ZNF804B: variants seen among roughly 807,000 people sequenced by gnomAD.
ZNF804B encodes zinc finger protein 804B, also known as zinc finger 804B.
A neutral mutation model predicts 101.4 loss-of-function variants in ZNF804B; 80 were observed. The observed-to-expected ratio is 0.79, with a 90% CI of 0.66 to 0.95. The LOEUF (loss-of-function observed/expected upper bound fraction) is 0.95, where lower values mean the gene tolerates loss of function less well. ZNF804B is among the 40% of genes least tolerant of loss of function. The pLI is 0.00. For missense variants in ZNF804B, 1,673 were observed against 1,561.9 expected (o/e 1.07, Z -1.20); for synonymous variants, 622 against 558.8 (o/e 1.11, Z -1.59).
chr7:88,916,804 T>C (rs1792639481), intron 1 of ZNF804B, among the ~76,000 whole-genome samples: 3 of 152,180 alleles, frequency 2.0e-5, no homozygotes, highest in African/African-American at 7.2e-5. Context: ...AATATCTATC[T>C]GAAATTTAAG....
At chr7:89,059,263 A>G (rs958842201) in intron 1 of ZNF804B, among the ~76,000 whole-genome samples, 1 of 152,184 alleles carries the variant, frequency 6.6e-6, no homozygotes, top group Non-Finnish European at 1.5e-5. Flanking sequence ...TCATTGCAAT[A>G]AAGAAATACC....
intron 1 of ZNF804B, among the ~76,000 whole-genome samples, chr7:88,760,898 ATAAAT>A (rs1789885052): frequency 3.2e-5 from 3 of 93,978 alleles, no homozygotes; most frequent in African/African-American, 1.2e-4. Context: ...TATATATATA[ATAAAT>A]ATATATATAA....
Position 88,854,529 on chromosome 7 carries a change from T to TCCTTTCCTTTCCTTC in ZNF804B, c.108+94449_108+94450insTCCTTTCCTTCCCTT, listed in dbSNP as rs1562812904. Among the ~76,000 whole-genome samples the TCCTTTCCTTTCCTTC allele has an allele frequency of 5.8e-3, 334 of 57,870 alleles. 12 individuals are homozygous for TCCTTTCCTTTCCTTC. The highest frequency in any genetic ancestry group is 0.025 in the Middle Eastern group (3 of 118). 38.0% of individuals were successfully genotyped at this position (57,870 alleles called of 152,430 possible). A position where few individuals can be genotyped will look rare whatever the true frequency, so the allele number is the denominator to read the frequency against. On this transcript the variant is annotated intron_variant, in intron 1 of 3. Transcript: ENST00000333190. ...TTCCTTTCCTTTCCTTTCCTTCCTTTCCTTCCTTCCTTCCTTCCTTCCTTC... is the reference window on the plus strand; with the variant it reads ...TTCCTTTCCTTTCCTTTCCTTCCTTTCCTTTCCTTTCCTTCCCTTCCTTCCTTCCTTCCTTCCTTC...
chr7:89,074,819 G>A (rs912840603), intron 1 of ZNF804B, among the ~76,000 whole-genome samples: 1 of 152,192 alleles, frequency 6.6e-6, no homozygotes, highest in Admixed American at 6.5e-5. Context: ...GAATGGCTTT[G>A]ACAAAAATAA....
At chr7:89,165,581 A>G (rs1474562385) in intron 1 of ZNF804B, among the ~76,000 whole-genome samples, 1 of 152,086 alleles carries the variant, frequency 6.6e-6, no homozygotes, top group Non-Finnish European at 1.5e-5. Flanking sequence ...ACTTAAGGGA[A>G]GACATATGTG....
intron 1 of ZNF804B, among the ~76,000 whole-genome samples, chr7:89,065,554 C>G (rs909633136): frequency 6.6e-6 from 1 of 152,060 alleles, no homozygotes; most frequent in African/African-American, 2.4e-5. Context: ...ATTAATTAGT[C>G]TTTTCTTATT....
At chr7:89,246,216 C>T (rs1789443467) in intron 2 of ZNF804B, among the ~76,000 whole-genome samples, 1 of 152,168 alleles carries the variant, frequency 6.6e-6, no homozygotes, top group Non-Finnish European at 1.5e-5. Flanking sequence ...GTGCTCCCCA[C>T]TGTGGGACAA....
At chr7:89,016,165 C>T (rs1390737782) in intron 1 of ZNF804B, among the ~76,000 whole-genome samples, 2 of 151,956 alleles carry the variant, frequency 1.3e-5, no homozygotes, top group Non-Finnish European at 2.9e-5. Flanking sequence ...ATGTCCTTTG[C>T]CTACTTTTTG....
intron 2 of ZNF804B, among the ~76,000 whole-genome samples, chr7:89,241,353 G>A (rs1562926161): frequency 2.0e-5 from 3 of 152,026 alleles, no homozygotes; most frequent in Non-Finnish European, 4.4e-5. Flanking sequence ...CTTTGTTGGT[G>A]CTTTTTTCCT....
chr7:89,297,395 A>T (rs1347489702), intron 2 of ZNF804B, among the ~76,000 whole-genome samples: 1 of 152,118 alleles, frequency 6.6e-6, no homozygotes, highest in East Asian at 1.9e-4. Flanking sequence ...CATCATTCTT[A>T]AAAGTTATTC....
chr7:89,177,754 T>C (rs1791343256), intron 1 of ZNF804B, among the ~76,000 whole-genome samples: 1 of 152,104 alleles, frequency 6.6e-6, no homozygotes, highest in Non-Finnish European at 1.5e-5. Flanking sequence ...TTGGCTCTAA[T>C]AATATTTGCT....
chr7:89,155,262 A>G (rs1055458069), intron 1 of ZNF804B, among the ~76,000 whole-genome samples: 3 of 152,168 alleles, frequency 2.0e-5, no homozygotes, highest in Admixed American at 6.6e-5. Flanking sequence ...GATAAATCCA[A>G]CAGAGCCATT....
chr7:89,004,616 T>G (rs183908665), intron 1 of ZNF804B, among the ~76,000 whole-genome samples: 2 of 151,984 alleles, frequency 1.3e-5, no homozygotes, highest in East Asian at 3.9e-4. Flanking sequence ...CTTCCATCAA[T>G]TTTTGCTTCT....
rs761967701 is a variant in ZNF804B at position 89,335,931 on chromosome 7, A to G, written c.2949A>G (p.Ile983Met). The G allele has an allele frequency of 4.3e-6, 7 of 1,613,980 alleles. No individual in the cohort carries two copies. The South Asian group carries it at 7.7e-5, about 18-fold the overall frequency. Residue 983 changes from isoleucine to methionine, a missense_variant, in exon 4 of 4, where the codon ATA (isoleucine) becomes ATG (methionine). By Grantham distance (10) the Ile-to-Met change is conservative (BLOSUM62 1). Transcript: ENST00000333190. Reference sequence around the variant, plus strand: ...AAGCATTGCCTTTGTCTGAAAAAATACAGTATGCAAGTGAGAGCAGAAATG... The same window carrying G: ...AAGCATTGCCTTTGTCTGAAAAAATGCAGTATGCAAGTGAGAGCAGAAATG... ...NRQALPLSEK[I>M]QYASESRNDQ...
chr7:88,885,647 T>TA (rs1415662066), intron 1 of ZNF804B, among the ~76,000 whole-genome samples: 2 of 150,638 alleles, frequency 1.3e-5, no homozygotes, highest in African/African-American at 4.9e-5. Context: ...TATTAGGAAT[T>TA]ATATCTCCTT....
chr7:89,280,937 A>C (rs1790085031), intron 2 of ZNF804B, among the ~76,000 whole-genome samples: 1 of 152,214 alleles, frequency 6.6e-6, no homozygotes, highest in African/African-American at 2.4e-5. Flanking sequence ...TTTATATTTT[A>C]ATGTCTGTAA....
At chr7:89,319,505 G>A (rs1480889080) in intron 2 of ZNF804B, among the ~76,000 whole-genome samples, 25 of 152,152 alleles carry the variant, frequency 1.6e-4, no homozygotes, top group Admixed American at 1.6e-3. Context: ...TCTGCCGCTG[G>A]TAGACAAGAG....
chr7:88,996,987 T>C (rs1788210018), intron 1 of ZNF804B, among the ~76,000 whole-genome samples: 1 of 152,058 alleles, frequency 6.6e-6, no homozygotes, highest in Admixed American at 6.6e-5. Context: ...AGTATGTGTA[T>C]GTGTGTGTGT....
chr7:89,251,978 A>T (rs1394893103), intron 2 of ZNF804B, among the ~76,000 whole-genome samples: 2 of 152,174 alleles, frequency 1.3e-5, no homozygotes, highest in Non-Finnish European at 2.9e-5. Context: ...AAGAAATGGC[A>T]TTCTGGATGC....
Sources: gnomAD v4.1 joint callset for allele counts (sites outside exome capture counted in the v4.1 genomes callset) on GRCh38, gnomAD v4.1.1 for gene constraint, MANE v1.5 for transcripts, NCBI Gene and HGNC (gene_info 2026-07-23, HGNC 2026-07-21) for gene names.